UBE2D1: variants seen among roughly 807,000 people sequenced by gnomAD.
UBE2D1 encodes ubiquitin-conjugating enzyme E2 D1.
UBE2D1 carries 9 observed loss-of-function variants against 24.6 expected under a neutral mutation model. That is an observed-to-expected ratio of 0.37 (90% confidence interval 0.22 to 0.64). UBE2D1 has a LOEUF of 0.64. Ranked by LOEUF, UBE2D1 falls within the 30% of genes least tolerant of loss-of-function variation. The probability of loss-of-function intolerance (pLI) is 0.64; values close to 1 mark genes in which losing one functional copy is unlikely to be tolerated. For synonymous variants in UBE2D1, 57 were observed against 57.6 expected (o/e 0.99, Z 0.04); for missense variants, 87 against 177.1 (o/e 0.49, Z 2.89).
At chr10:58,340,638 A>G (rs1417363885) in intron 1 of UBE2D1, among the ~76,000 whole-genome samples, 2 of 152,196 alleles carry the variant, frequency 1.3e-5, no homozygotes, top group East Asian at 1.9e-4. Flanking sequence ...TTATATGCCA[A>G]TGATTGTGCC....
intron 4 of UBE2D1, 143 bp from the exon 5 acceptor site, chr10:58,364,628 A>G: frequency 1.6e-6 from 1 of 611,696 alleles, no homozygotes; most frequent in South Asian, 2.0e-5. Flanking sequence ...AAAGTAGATA[A>G]TTATTTGATT....
intron 4 of UBE2D1, chr10:58,364,544 T>G (rs1840235557): frequency 2.2e-6 from 1 of 459,198 alleles, no homozygotes; most frequent in African/African-American, 2.0e-5. Context: ...TACTCTTCAG[T>G]TCCTTTGAGG....
intron 1 of UBE2D1, among the ~76,000 whole-genome samples, chr10:58,335,505 C>T (rs1839893289): frequency 6.6e-6 from 1 of 152,258 alleles, no homozygotes; most frequent in Admixed American, 6.5e-5. Context: ...GCCTCTTGCG[C>T]GTCCAGACCG....
At chr10:58,337,717 A>C (rs957109128) in intron 1 of UBE2D1, among the ~76,000 whole-genome samples, 4 of 152,114 alleles carry the variant, frequency 2.6e-5, no homozygotes, top group African/African-American at 9.7e-5. Context: ...TCACTTCTAT[A>C]AATGGAGAGA....
chr10:58,353,788 G>A (rs1001130941), intron 1 of UBE2D1, among the ~76,000 whole-genome samples: 9 of 152,098 alleles, frequency 5.9e-5, no homozygotes, highest in East Asian at 3.9e-4. Flanking sequence ...ACTTTTTACC[G>A]TATGCAATCT....
chr10:58,355,754 T>C (rs1270712972), intron 1 of UBE2D1, among the ~76,000 whole-genome samples: 1 of 152,212 alleles, frequency 6.6e-6, no homozygotes, highest in East Asian at 1.9e-4. Context: ...ATCCTTAACC[T>C]AACTTCCCCT....
At chr10:58,359,429 A>G (rs1446683190) in intron 1 of UBE2D1, among the ~76,000 whole-genome samples, 1 of 152,162 alleles carries the variant, frequency 6.6e-6, no homozygotes, top group Admixed American at 6.5e-5. Context: ...TGTTTACATC[A>G]TTCTCATGGT....
intron 4 of UBE2D1, among the ~76,000 whole-genome samples, chr10:58,364,153 A>G (rs536132273): frequency 1.4e-3 from 208 of 152,204 alleles, no homozygotes; most frequent in Non-Finnish European, 2.1e-3. Context: ...AGAGAAACAC[A>G]TGTTAGATTT....
At chr10:58,367,643 T>C (rs1330479650) in intron 5 of UBE2D1, among the ~76,000 whole-genome samples, 1 of 152,142 alleles carries the variant, frequency 6.6e-6, no homozygotes, top group Non-Finnish European at 1.5e-5. Flanking sequence ...AATAGCTACT[T>C]TGGAGGGTCA....
At chr10:58,367,392 T>C (rs1259433705) in intron 5 of UBE2D1, among the ~76,000 whole-genome samples, 1 of 152,212 alleles carries the variant, frequency 6.6e-6, no homozygotes, top group Non-Finnish European at 1.5e-5. Context: ...TTCATTTCTT[T>C]TTTAAAATAT....
At position 58,361,069 on chromosome 10, in the gene UBE2D1, T is replaced by G. The variant is rs1840191843; in HGVS notation, c.25-269T>G. 3.3e-5 allele frequency: 18 copies of G among 537,448 alleles called. No homozygotes were observed. The South Asian group carries it at 3.7e-4, about 11-fold the overall frequency. The allele number at this position is 537,448 out of a possible 1,614,324, so 33.3% of individuals were successfully genotyped here. ...AAATTATCTTACATACAGTAGGTACTCATTAAATAGTTTTTCTCTTAGGGA... is the reference window on the plus strand; with the variant it reads ...AAATTATCTTACATACAGTAGGTACGCATTAAATAGTTTTTCTCTTAGGGA... On this transcript the variant is annotated intron_variant, in intron 1 of 6. Coordinates refer to ENST00000373910, the MANE Select transcript of UBE2D1 (RefSeq NM_003338.5).
Position 58,358,771 on chromosome 10 carries a change from T to C in UBE2D1, c.25-2567T>C, listed in dbSNP as rs551561775. Among the ~76,000 whole-genome samples the C allele has an allele frequency of 9.9e-5, 15 of 151,888 alleles. No homozygotes were observed. The East Asian group carries it at 2.3e-3, about 23-fold the overall frequency. ...TTCCTTATTGCTTTTTCTTTTTCTTTTTTTTTTTAAATGCGGTCTTGCTCT... is the reference window on the plus strand; with the variant it reads ...TTCCTTATTGCTTTTTCTTTTTCTTCTTTTTTTTAAATGCGGTCTTGCTCT... On this transcript the variant is annotated intron_variant, in intron 1 of 6. Transcript: ENST00000373910.
Position 58,359,337 on chromosome 10 carries a change from TTAAAA to T in UBE2D1, c.25-1997_25-1993del, listed in dbSNP as rs539941363. Among the ~76,000 whole-genome samples the T allele has an allele frequency of 2.7e-3, 404 of 152,338 alleles. 2 individuals are homozygous for T. The highest frequency in any genetic ancestry group is 4.2e-3 in the Non-Finnish European group (289 of 68,018). On this transcript the variant is annotated intron_variant, in intron 1 of 6. Transcript: ENST00000373910. ...AGCATTTTTTCTTAATTATTGGTAC[TTAAAA>T]TAAGGATGTGCTGTACAGTTGATGA...
At chr10:58,346,431 A>G (rs1840018268) in intron 1 of UBE2D1, among the ~76,000 whole-genome samples, 1 of 152,334 alleles carries the variant, frequency 6.6e-6, no homozygotes, top group South Asian at 2.1e-4. Context: ...TTCTAGGAAT[A>G]TAGCAGGGAC....
chr10:58,345,327 TAGCTC>T (rs1840004695), intron 1 of UBE2D1, among the ~76,000 whole-genome samples: 1 of 151,908 alleles, frequency 6.6e-6, no homozygotes, highest in Admixed American at 6.6e-5. Context: ...AATTAAAAAA[TAGCTC>T]AGCATCGTGG....
chr10:58,368,167 A>G, intron 6 of UBE2D1, 151 bp downstream of exon 6: 1 of 568,424 alleles, frequency 1.8e-6, no homozygotes, highest in African/African-American at 1.9e-5. Flanking sequence ...CCTTTCTTTG[A>G]GAACTCTGTT....
chr10:58,363,726 A>G (rs73288305), intron 4 of UBE2D1, 40 bp downstream of exon 4: 132,179 of 1,432,548 alleles, frequency 0.092, 12,687 homozygotes, highest in African/African-American at 0.43. Flanking sequence ...CCCATGTAAG[A>G]GATTTTATTC....
intron 5 of UBE2D1, among the ~76,000 whole-genome samples, chr10:58,367,151 G>A (rs1439113494): frequency 6.6e-6 from 1 of 152,076 alleles, no homozygotes; most frequent in Admixed American, 6.6e-5. Flanking sequence ...TACGAAAATA[G>A]AAAGGAAACG....
chr10:58,339,503 G>A (rs367560654), intron 1 of UBE2D1, among the ~76,000 whole-genome samples: 5 of 152,220 alleles, frequency 3.3e-5, no homozygotes, highest in African/African-American at 1.2e-4. Flanking sequence ...GGATATGTAT[G>A]GATATCCATA....
Sources: allele counts gnomAD v4.1 joint callset (sites outside exome capture counted in the v4.1 genomes callset), GRCh38; gene constraint gnomAD v4.1.1; transcripts MANE v1.5; gene names NCBI Gene and HGNC (gene_info 2026-07-23, HGNC 2026-07-21).